The following IL17D variants were observed in gnomAD, a reference collection of about 807,000 sequenced individuals.
IL17D encodes interleukin-17D.
A neutral mutation model predicts 5.7 loss-of-function variants in IL17D; 10 were observed. That is an observed-to-expected ratio of 1.75 (90% CI 1.08 to 2.97). The LOEUF (loss-of-function observed/expected upper bound fraction) is 2.97. Among genes scored for constraint, IL17D ranks in the 30% most tolerant of loss-of-function variants. IL17D has a pLI of 0.00. For missense variants in IL17D, 354 were observed against 292.7 expected (o/e 1.21, Z -1.53); for synonymous variants, 172 against 141.7 (o/e 1.21, Z -1.52).
At position 20,722,444 on chromosome 13, in the gene IL17D, ACT is replaced by A. The variant is rs1399223535; in HGVS notation, c.*493_*494del. 2.0e-5 allele frequency: 3 copies of A among 153,184 alleles called. No individual in the cohort carries two copies. The highest frequency in any genetic ancestry group is 4.4e-5 in the Non-Finnish European group (3 of 68,758). The allele number at this position is 153,184 out of a possible 1,614,324, so 9.5% of individuals were successfully genotyped here. On this transcript the variant is annotated 3_prime_UTR_variant, in exon 2 of 2. Transcript: ENST00000682841. ...TATTTTATATTATCAAATGAGAGCT[ACT>A]CTGTTACATTTCTTAACATATAAAC...
intron 1 of IL17D, among the ~76,000 whole-genome samples, chr13:20,707,553 C>T (rs917479791): frequency 3.3e-5 from 5 of 151,862 alleles, no homozygotes; most frequent in Admixed American, 1.3e-4. Flanking sequence ...GACAGAATCT[C>T]GCTCTGCCAC....
intron 1 of IL17D, among the ~76,000 whole-genome samples, chr13:20,708,880 G>A (rs1485035753): frequency 1.3e-5 from 2 of 148,824 alleles, no homozygotes; most frequent in African/African-American, 4.9e-5. Flanking sequence ...AGTGGTGGTG[G>A]GCACCAGGAG....
rs2058569749 is a variant in IL17D at position 20,704,250 on chromosome 13, G to A, written c.249G>A (p.Arg83=). The A allele has an allele frequency of 1.6e-6, 2 of 1,281,292 alleles. No individual in the cohort carries two copies. The highest frequency in any genetic ancestry group is 3.2e-5 in the African/African-American group (2 of 61,832). The allele number at this position is 1,281,292 out of a possible 1,614,324, so 79.4% of individuals were successfully genotyped here. A position where few individuals can be genotyped will look rare whatever the true frequency, so the allele number is the denominator to read the frequency against. ...AGGRPADRRF[R]PPTNLRSVSP... ...GCAGGCCCGCCGACCGCCGCTTCCG[G>A]CCGCCCACCAACCTGCGCAGCGTGT... The change falls in exon 1 of 2, where the codon CGG becomes CGA. Residue 83 remains arginine (R), a synonymous_variant. Transcript: ENST00000682841.
intron 1 of IL17D, 46 bp from the exon 2 acceptor site, chr13:20,721,590 C>A: frequency 6.7e-7 from 1 of 1,497,276 alleles, no homozygotes; most frequent in Non-Finnish European, 9.0e-7. Context: ...GCGCGCGGCG[C>A]GGGGCTGCCC....
intron 1 of IL17D, among the ~76,000 whole-genome samples, chr13:20,710,885 C>T (rs951163532): frequency 6.6e-6 from 1 of 152,088 alleles, no homozygotes; most frequent in Admixed American, 6.6e-5. Context: ...TAGCTGTAGT[C>T]GGGAGGTAAA....
At chr13:20,710,061 C>G (rs971767277) in intron 1 of IL17D, among the ~76,000 whole-genome samples, 1 of 152,224 alleles carries the variant, frequency 6.6e-6, no homozygotes, top group Non-Finnish European at 1.5e-5. Flanking sequence ...CTGGACCTCT[C>G]TGGTTCCGTC....
At chr13:20,701,513 T>C (rs1280125423), upstream of IL17D, 2 of 152,182 alleles carry the variant, frequency 1.3e-5, no homozygotes, top group African/African-American at 2.4e-5. Context: ...GCTTGCCCCA[T>C]GCTAAGCAGT....
In IL17D at chr13:20,719,995, G is replaced by GGA. The variant is rs1413223981; in HGVS notation, c.291-1640_291-1639dup. Among the ~76,000 whole-genome samples the GGA allele has an allele frequency of 2.2e-4, 34 of 152,184 alleles. No homozygotes were observed. In the East Asian group the frequency reaches 5.8e-3, roughly 26 times the overall value. ...CTTGTTTTTCTCCTGGAACAACACG[G>GGA]GATATATCAAGTTTCCTACATTCCG... On this transcript the variant is annotated intron_variant, in intron 1 of 1. Transcript: ENST00000682841.
intron 1 of IL17D, among the ~76,000 whole-genome samples, chr13:20,720,326 T>TC (rs760227540): frequency 8.6e-5 from 13 of 151,766 alleles, no homozygotes; most frequent in Non-Finnish European, 1.8e-4. Context: ...CAGCCCATCT[T>TC]CCCCCCAATA....
intron 1 of IL17D, among the ~76,000 whole-genome samples, chr13:20,718,791 C>T (rs1595002487): frequency 4.2e-5 from 6 of 143,690 alleles, no homozygotes; most frequent in South Asian, 4.7e-4. Flanking sequence ...CACCCACACA[C>T]ACCTGCCCAC....
At chr13:20,707,089 T>A (rs2058596637) in intron 1 of IL17D, among the ~76,000 whole-genome samples, 1 of 152,164 alleles carries the variant, frequency 6.6e-6, no homozygotes, top group African/African-American at 2.4e-5. Context: ...TGCTCCTGCA[T>A]TTTCCTGCCA....
At chr13:20,717,685 A>G (rs773096336) in intron 1 of IL17D, among the ~76,000 whole-genome samples, 1 of 152,108 alleles carries the variant, frequency 6.6e-6, no homozygotes, top group Non-Finnish European at 1.5e-5. Context: ...GCACCTTCCC[A>G]TTGTGAGAGA....
chr13:20,716,396 T>C lies in IL17D; in HGVS notation c.291-5240T>C, dbSNP rs974734154. 4.6e-5 allele frequency among the ~76,000 whole-genome samples: 7 copies of C among 152,238 alleles called. No homozygotes were observed. Among genetic ancestry groups the C allele is most frequent in the African/African-American group, 1.7e-4 (7 of 41,456 alleles). ...TTCTGGGATTTCGTTAGAATTGCACTGACTTTATAGATTAATTGGAATTTT... is the reference window on the plus strand; with the variant it reads ...TTCTGGGATTTCGTTAGAATTGCACCGACTTTATAGATTAATTGGAATTTT... On this transcript the variant is annotated intron_variant, in intron 1 of 1. Coordinates refer to ENST00000682841, the MANE Select transcript of IL17D (RefSeq NM_001385224.1). The surrounding 1 kb of genome is among the most constrained non-coding windows in gnomAD (Gnocchi z 4.2).
At chr13:20,709,140 C>CTTTTTTTT in intron 1 of IL17D, among the ~76,000 whole-genome samples, 1 of 137,252 alleles carries the variant, frequency 7.3e-6, no homozygotes, top group Non-Finnish European at 1.5e-5. Flanking sequence ...CTAAGAAGCC[C>CTTTTTTTT]TTTTTTTTTT....
chr13:20,720,713 C>A (rs1566522104), intron 1 of IL17D, among the ~76,000 whole-genome samples: 1 of 152,156 alleles, frequency 6.6e-6, no homozygotes, highest in African/African-American at 2.4e-5. Flanking sequence ...CGACCTCATC[C>A]CCCACATTCA....
chr13:20,704,006 T>C lies in IL17D; in HGVS notation c.5T>C (p.Leu2Pro). M[L>P]VAGFLLALPP... ...TGGCCTGTCCCTCAGGTCTGGATGC[T>C]GGTAGCCGGCTTCCTGCTGGCGCTG... The change falls in exon 1 of 2, where the codon CTG (leucine) becomes CCG (proline). Residue 2 changes from leucine to proline, a missense_variant. Transcript: ENST00000682841. The C allele has an allele frequency of 9.8e-7, 1 of 1,020,410 alleles. No homozygotes were observed. The highest frequency in any genetic ancestry group is 1.2e-6 in the Non-Finnish European group (1 of 856,310). The allele number at this position is 1,020,410 out of a possible 1,614,324, so 63.2% of individuals were successfully genotyped here. A position where few individuals can be genotyped will look rare whatever the true frequency, so the allele number is the denominator to read the frequency against.
chr13:20,714,922 G>C (rs1329552892), intron 1 of IL17D, among the ~76,000 whole-genome samples: 1 of 152,196 alleles, frequency 6.6e-6, no homozygotes. Context: ...GAAGCTGTTT[G>C]TGGTCTCCAG....
intron 1 of IL17D, among the ~76,000 whole-genome samples, chr13:20,711,347 G>C (rs1025674401): frequency 6.1e-5 from 8 of 130,268 alleles, no homozygotes; most frequent in Admixed American, 2.7e-4. Flanking sequence ...GCTGGCATCT[G>C]GTGAGAGTCG....
At chr13:20,712,688 A>T (rs1005003451) in intron 1 of IL17D, 18 of 147,512 alleles carry the variant, frequency 1.2e-4, no homozygotes, top group African/African-American at 4.3e-4. Flanking sequence ...AAAAAAAAAA[A>T]CCCCACCCTG....
Sources: allele counts gnomAD v4.1 joint callset (sites outside exome capture counted in the v4.1 genomes callset), GRCh38; gene constraint gnomAD v4.1.1; non-coding constraint Gnocchi (gnomAD v3.1); transcripts MANE v1.5; gene names NCBI Gene and HGNC (gene_info 2026-07-23, HGNC 2026-07-21).